The following PTPRM variants were observed in gnomAD, a reference collection of about 807,000 sequenced individuals.
PTPRM encodes protein tyrosine phosphatase receptor type M, also known as receptor-type tyrosine-protein phosphatase mu.
In PTPRM, 47 loss-of-function variants were observed where a neutral mutation model predicts 186.7. The observed-to-expected ratio is 0.25, with a 90% confidence interval of 0.20 to 0.32. The LOEUF (loss-of-function observed/expected upper bound fraction) is 0.32. Ranked by LOEUF, PTPRM falls within the 10% of genes least tolerant of loss-of-function variation. The pLI is 1.00. For missense variants in PTPRM, 1,494 were observed against 1,865.0 expected, an observed-to-expected ratio of 0.80 and a Z score of 3.66; for synonymous variants, 668 against 674.9, an observed-to-expected ratio of 0.99 and a Z score of 0.16.
intron 30 of PTPRM, among the ~76,000 whole-genome samples, chr18:8,386,458 C>T (rs184789401): frequency 2.3e-3 from 353 of 152,258 alleles, no homozygotes; most frequent in African/African-American, 8.3e-3. Flanking sequence ...GAGAGTGTCA[C>T]CCATGTCAGA....
chr18:8,141,891 A>G (rs1407873817), intron 13 of PTPRM, among the ~76,000 whole-genome samples: 1 of 152,202 alleles, frequency 6.6e-6, no homozygotes. Context: ...GTGAATTTCA[A>G]ATGTTACTTC....
At chr18:8,321,818 TAATACATTCATACCATG>T (rs769656815) in intron 22 of PTPRM, among the ~76,000 whole-genome samples, 6 of 152,170 alleles carry the variant, frequency 3.9e-5, no homozygotes, top group Non-Finnish European at 8.8e-5. Flanking sequence ...ATATTAAGAA[TAATACATTCATACCATG>T]ATGTTCAGAT....
At chr18:8,003,625 C>T (rs1300477622) in intron 7 of PTPRM, among the ~76,000 whole-genome samples, 2 of 152,188 alleles carry the variant, frequency 1.3e-5, no homozygotes, top group Non-Finnish European at 2.9e-5. Context: ...TTCAAGATTA[C>T]TAGGCAAAAA....
chr18:8,355,500 G>C (rs775827916), intron 23 of PTPRM, among the ~76,000 whole-genome samples: 3 of 152,134 alleles, frequency 2.0e-5, no homozygotes, highest in South Asian at 2.1e-4. Flanking sequence ...GATATACCAC[G>C]TCAGGAATTG....
chr18:8,009,895 T>G (rs556983427), intron 7 of PTPRM, among the ~76,000 whole-genome samples: 49 of 152,264 alleles, frequency 3.2e-4, no homozygotes, highest in African/African-American at 1.2e-3. Context: ...TTTCCCTCTT[T>G]TTTTCCTGAG....
chr18:8,317,093 G>C (rs972685807), intron 21 of PTPRM, among the ~76,000 whole-genome samples: 3 of 152,154 alleles, frequency 2.0e-5, no homozygotes, highest in Non-Finnish European at 4.4e-5. Flanking sequence ...AGTCGTTAGA[G>C]GTATCTGAGT....
chr18:8,155,878 A>G (rs1275286072), intron 14 of PTPRM, among the ~76,000 whole-genome samples: 5 of 152,098 alleles, frequency 3.3e-5, no homozygotes, highest in Non-Finnish European at 7.3e-5. Flanking sequence ...TTATTTCAAA[A>G]TCACCTTTCC....
At position 7,877,008 on chromosome 18, in the gene PTPRM, GGAAGA is replaced by G. The variant is rs1599227200; in HGVS notation, c.197-11096_197-11092del. 1.6e-4 allele frequency among the ~76,000 whole-genome samples: 25 copies of G among 152,186 alleles called. No homozygotes were observed. The East Asian group carries it at 4.8e-3, about 29-fold the overall frequency. The stretch of plus-strand genomic sequence containing the variant: ...AAGAGTTAATATATGTAAAACATTT[GGAAGA>G]GTGCTCAGCACGTATTAAATATCAT... On this transcript the variant is annotated intron_variant, in intron 2 of 32. Coordinates refer to ENST00000580170, the MANE Select transcript of PTPRM (RefSeq NM_001105244.2).
chr18:8,089,517 CAACTTGTCATA>C (rs1296447991), intron 11 of PTPRM, among the ~76,000 whole-genome samples: 1 of 152,100 alleles, frequency 6.6e-6, no homozygotes, highest in African/African-American at 2.4e-5. Context: ...TCTGGAGTAT[CAACTTGTCATA>C]AACTCATTAA....
intron 14 of PTPRM, among the ~76,000 whole-genome samples, chr18:8,231,736 T>C (rs575941184): frequency 6.6e-6 from 1 of 152,342 alleles, no homozygotes; most frequent in South Asian, 2.1e-4. Context: ...ATGACAGTTT[T>C]TCTCCCTCCA....
At chr18:8,226,234 C>T (rs900307294) in intron 14 of PTPRM, among the ~76,000 whole-genome samples, 9 of 152,202 alleles carry the variant, frequency 5.9e-5, no homozygotes, top group South Asian at 2.1e-4. Context: ...AAAGCAATCC[C>T]TTCTGTTCCC....
chr18:8,234,899 A>G (rs2094326667), intron 14 of PTPRM, among the ~76,000 whole-genome samples: 1 of 152,028 alleles, frequency 6.6e-6, no homozygotes, highest in African/African-American at 2.4e-5. Context: ...TTTGAGTTTC[A>G]AATGTTGAAC....
chr18:7,597,854 G>A (rs979058564), intron 1 of PTPRM, among the ~76,000 whole-genome samples: 2 of 152,212 alleles, frequency 1.3e-5, no homozygotes, highest in Admixed American at 6.5e-5. Context: ...GAATACACAT[G>A]TAGTGGATAG....
At chr18:8,229,975 C>G (rs1394868910) in intron 14 of PTPRM, among the ~76,000 whole-genome samples, 3 of 152,186 alleles carry the variant, frequency 2.0e-5, no homozygotes, top group Admixed American at 2.0e-4. Context: ...GGTGTTGTTA[C>G]CACTAGGTCA....
intron 7 of PTPRM, 56 bp from the exon 8 acceptor site, chr18:8,069,630 C>A: frequency 6.8e-7 from 1 of 1,464,608 alleles, no homozygotes; most frequent in South Asian, 1.3e-5. Flanking sequence ...TGGGATTGAC[C>A]TGAGCCTTTA....
chr18:7,985,051 ATATATACATATAATTG>A (rs1199370809), intron 7 of PTPRM, among the ~76,000 whole-genome samples: 106 of 122,464 alleles, frequency 8.7e-4, no homozygotes, highest in Admixed American at 9.8e-4. Flanking sequence ...ACATATAATT[ATATATACATATAATTG>A]TATATACATA....
In PTPRM at chr18:8,343,526, T is replaced by C; in HGVS notation, c.3054+6T>C. ...ATCTTGTGGAAGTGGGAAGGGTGAG[T>C]GGACCGTCTGCTGCAAATGGCCATT... is the stretch of plus-strand genomic sequence containing the variant. On this transcript the variant is annotated splice_donor_region_variant and intron_variant, in intron 23 of 32. Transcript: ENST00000580170. The C allele has an allele frequency of 6.2e-7, 1 of 1,612,744 alleles. No individual in the cohort carries two copies. Among genetic ancestry groups the C allele is most frequent in the Non-Finnish European group, 8.5e-7 (1 of 1,179,318 alleles).
intron 1 of PTPRM, among the ~76,000 whole-genome samples, chr18:7,715,303 A>C (rs922500608): frequency 2.4e-4 from 36 of 152,214 alleles, no homozygotes; most frequent in Admixed American, 2.6e-4. Flanking sequence ...ACAAAATTCA[A>C]CACCTCTTCA....
At chr18:8,274,717 C>T (rs906380893) in intron 19 of PTPRM, among the ~76,000 whole-genome samples, 1 of 152,200 alleles carries the variant, frequency 6.6e-6, no homozygotes, top group African/African-American at 2.4e-5. Context: ...GCCCTTTGCA[C>T]CACCGTAAGT....
Sources: gnomAD v4.1 joint callset for allele counts (sites outside exome capture counted in the v4.1 genomes callset) on GRCh38, gnomAD v4.1.1 for gene constraint, MANE v1.5 for transcripts, NCBI Gene and HGNC (gene_info 2026-07-23, HGNC 2026-07-21) for gene names.